The following RCL1 variants were observed in gnomAD, a reference collection of about 807,000 sequenced individuals.
The protein encoded by RCL1 is RNA 3'-terminal phosphate cyclase-like protein.
In RCL1, 24 loss-of-function variants were observed where a neutral mutation model predicts 42.4. The observed-to-expected ratio is 0.57, with a 90% confidence interval of 0.41 to 0.80. RCL1 has a LOEUF of 0.80. RCL1 is among the 30% of genes least tolerant of loss of function. The pLI is 0.00. For synonymous variants in RCL1, 228 were observed against 177.3 expected, an observed-to-expected ratio of 1.29 and a Z score of -2.27; for missense variants, 578 against 467.9, an observed-to-expected ratio of 1.24 and a Z score of -2.17.
At chr9:4,809,003 T>C (rs1403982283) in intron 1 of RCL1, among the ~76,000 whole-genome samples, 1 of 152,234 alleles carries the variant, frequency 6.6e-6, no homozygotes, top group Non-Finnish European at 1.5e-5. Flanking sequence ...ACCAATCATA[T>C]TCCCAAGAAG....
intron 8 of RCL1, among the ~76,000 whole-genome samples, chr9:4,852,165 G>C (rs920558752): frequency 3.9e-5 from 6 of 152,190 alleles, no homozygotes; most frequent in Non-Finnish European, 7.3e-5. Context: ...GCAGGCCTGA[G>C]CCACCAAGTC....
intron 1 of RCL1, among the ~76,000 whole-genome samples, chr9:4,800,181 G>C (rs1367370171): frequency 6.6e-6 from 1 of 151,846 alleles, no homozygotes; most frequent in East Asian, 1.9e-4. Context: ...CTCGAATAAG[G>C]CTGCTATAAA....
chr9:4,830,701 A>G (rs1816914737), intron 3 of RCL1, among the ~76,000 whole-genome samples: 1 of 152,196 alleles, frequency 6.6e-6, no homozygotes, highest in Admixed American at 6.5e-5. Flanking sequence ...ATATGTATGT[A>G]TGTGTATATC....
intron 1 of RCL1, 137 bp downstream of exon 1, chr9:4,793,364 G>T: frequency 2.0e-6 from 2 of 991,912 alleles, no homozygotes; most frequent in Non-Finnish European, 2.8e-6. Flanking sequence ...GTGGCGCGTC[G>T]CCTCCAAAGC....
intron 1 of RCL1, chr9:4,804,449 A>G (rs7859603): frequency 0.29 from 44,006 of 152,132 alleles, 6,591 homozygotes; most frequent in South Asian, 0.44. Context: ...TCCCAGGGGC[A>G]CTCCTTGACG....
intron 1 of RCL1, among the ~76,000 whole-genome samples, chr9:4,820,326 G>C (rs928852318): frequency 2.0e-5 from 3 of 152,156 alleles, no homozygotes; most frequent in African/African-American, 7.2e-5. Flanking sequence ...GTGGACTTGA[G>C]ATCTTTTCTT....
Position 4,823,617 on chromosome 9 carries a change from C to T in RCL1, c.206C>T (p.Thr69Ile). 3 of 1,606,982 alleles carry T rather than the reference C, an allele frequency of 1.9e-6. 1 individual carries two copies. Among genetic ancestry groups the T allele is most frequent in the South Asian group, 2.2e-5 (2 of 90,218 alleles). The stretch of plus-strand genomic sequence containing the variant: ...GGTTCTCGAATTGAAATAAACCAAA[C>T]AGGTAAGCTCCTTTTAGATTCCTAA... The part of the protein sequence containing the change: ...TNGSRIEINQ[T>I]GTTLYYQPGL... The change falls in exon 2 of 9, where the codon ACA (threonine) becomes ATA (isoleucine). Residue 69 changes from threonine (T) to isoleucine (I), a missense_variant and splice_region_variant. Physicochemically the swap from Thr to Ile is moderately conservative, Grantham distance 89. Transcript: ENST00000381750.
intron 1 of RCL1, among the ~76,000 whole-genome samples, chr9:4,803,457 T>C (rs1458362560): frequency 6.6e-6 from 1 of 152,138 alleles, no homozygotes; most frequent in African/African-American, 2.4e-5. Flanking sequence ...TTCCCTCCCC[T>C]CAACTTAGGG....
chr9:4,858,165 C>T (rs1423323414), intron 8 of RCL1, among the ~76,000 whole-genome samples: 1 of 152,012 alleles, frequency 6.6e-6, no homozygotes, highest in African/African-American at 2.4e-5. Context: ...TGTGAGGTAC[C>T]ATGCCTGTAC....
Position 4,802,657 on chromosome 9 carries a change from C to T in RCL1, c.136+9430C>T, listed in dbSNP as rs77394683. The stretch of plus-strand genomic sequence containing the variant: ...TTTTACTTTGTTATTTACAAATATA[C>T]GGAAGTAGTTTACTTAAATTTTTAT... On this transcript the variant is annotated intron_variant, in intron 1 of 8. Transcript: ENST00000381750. 7.2e-5 allele frequency among the ~76,000 whole-genome samples: 11 copies of T among 152,144 alleles called. No individual in the cohort carries two copies. In the South Asian group the frequency reaches 1.2e-3, roughly 17 times the overall value.
At chr9:4,807,605 C>T (rs548825317) in intron 1 of RCL1, among the ~76,000 whole-genome samples, 12 of 152,250 alleles carry the variant, frequency 7.9e-5, no homozygotes, top group East Asian at 3.9e-4. Context: ...CCACAACCTT[C>T]GCCTCCCGGG....
chr9:4,807,213 C>G (rs1325687467), intron 1 of RCL1, among the ~76,000 whole-genome samples: 4 of 151,988 alleles, frequency 2.6e-5, no homozygotes, highest in Non-Finnish European at 5.9e-5. Context: ...CTTTAAAGAC[C>G]CGGTTCTGTG....
At chr9:4,851,127 G>C (rs1388744388) in intron 8 of RCL1, among the ~76,000 whole-genome samples, 1 of 151,966 alleles carries the variant, frequency 6.6e-6, no homozygotes, top group Non-Finnish European at 1.5e-5. Flanking sequence ...GGACATTTTT[G>C]AAAGTTCCTG....
intron 7 of RCL1, among the ~76,000 whole-genome samples, chr9:4,845,287 A>C (rs146820149): frequency 8.5e-5 from 13 of 152,356 alleles, no homozygotes; most frequent in African/African-American, 2.4e-4. Flanking sequence ...TGGAAAACCT[A>C]AGAACATGGA....
intron 5 of RCL1, chr9:4,839,648 CTG>C (rs1817247837): frequency 2.0e-6 from 2 of 984,866 alleles, no homozygotes; most frequent in Non-Finnish European, 1.2e-6. Flanking sequence ...TGTAACTGGG[CTG>C]TGTGTGTATT....
intron 1 of RCL1, among the ~76,000 whole-genome samples, chr9:4,812,170 C>G (rs1816204743): frequency 6.6e-6 from 1 of 152,086 alleles, no homozygotes; most frequent in Non-Finnish European, 1.5e-5. Flanking sequence ...TGTGCAGAAG[C>G]TTTTTAGTTT....
At chr9:4,844,149 A>T (rs968989605) in intron 6 of RCL1, among the ~76,000 whole-genome samples, 1 of 152,170 alleles carries the variant, frequency 6.6e-6, no homozygotes, top group African/African-American at 2.4e-5. Flanking sequence ...CTCCTGCCAG[A>T]CACATAGAAA....
chr9:4,823,513 C>G (rs779151014), intron 1 of RCL1, 35 bp from the exon 2 acceptor site: 3 of 1,542,534 alleles, frequency 1.9e-6, no homozygotes, highest in South Asian at 1.1e-5. Flanking sequence ...GACAGTCTGT[C>G]TTCTCTTTTC....
intron 1 of RCL1, among the ~76,000 whole-genome samples, chr9:4,822,316 G>C (rs1246895603): frequency 6.6e-6 from 1 of 152,212 alleles, no homozygotes; most frequent in Non-Finnish European, 1.5e-5. Flanking sequence ...GGCAGTCACA[G>C]TGCCTTCAGT....
Sources: gnomAD v4.1 joint callset for allele counts (sites outside exome capture counted in the v4.1 genomes callset) on GRCh38, gnomAD v4.1.1 for gene constraint, MANE v1.5 for transcripts, NCBI Gene and HGNC (gene_info 2026-07-23, HGNC 2026-07-21) for gene names.